FMN2: variants seen among roughly 807,000 people sequenced by gnomAD.
FMN2 encodes the protein formin-2.
In FMN2, 51 loss-of-function variants were observed where a neutral mutation model predicts 142.3. The ratio of observed to expected loss-of-function variants is 0.36; its 90% CI spans 0.29 to 0.45. The LOEUF (loss-of-function observed/expected upper bound fraction) is 0.45, where lower values mean the gene tolerates loss of function less well. Among genes scored for constraint, FMN2 ranks in the 20% least tolerant of loss-of-function variants. The probability of loss-of-function intolerance (pLI) is 1.00; values close to 1 mark genes in which losing one functional copy is unlikely to be tolerated. For missense variants in FMN2, 1,936 were observed against 2,122.8 expected (o/e 0.91, Z 1.73); for synonymous variants, 882 against 869.8 (o/e 1.01, Z -0.25).
chr1:240,435,784 G>A (rs369045456), intron 15 of FMN2, among the ~76,000 whole-genome samples: 13 of 152,182 alleles, frequency 8.5e-5, no homozygotes, highest in South Asian at 6.2e-4. Context: ...ATACTACCTC[G>A]TGATAAAACT....
intron 2 of FMN2, chr1:240,143,596 T>A: frequency 6.2e-7 from 1 of 1,607,136 alleles, no homozygotes; most frequent in Non-Finnish European, 8.5e-7. Context: ...TGCACACACA[T>A]CTACCAGTGT....
chr1:240,266,430 A>T (rs1668805944), intron 7 of FMN2, among the ~76,000 whole-genome samples: 1 of 151,216 alleles, frequency 6.6e-6, no homozygotes, highest in Non-Finnish European at 1.5e-5. Flanking sequence ...TTATTTTTGG[A>T]TTCTCTATTC....
intron 13 of FMN2, among the ~76,000 whole-genome samples, chr1:240,350,060 G>A (rs1646953754): frequency 6.6e-6 from 1 of 152,052 alleles, no homozygotes; most frequent in Non-Finnish European, 1.5e-5. Flanking sequence ...GAGAAGAATG[G>A]TGTCCAGTCT....
chr1:240,200,579 T>C (rs1387738812), intron 4 of FMN2, among the ~76,000 whole-genome samples: 2 of 152,172 alleles, frequency 1.3e-5, no homozygotes, highest in African/African-American at 2.4e-5. Flanking sequence ...ATTGGTGGCC[T>C]TATTTTACAG....
intron 8 of FMN2, among the ~76,000 whole-genome samples, chr1:240,309,143 A>G (rs1209918661): frequency 1.3e-5 from 2 of 152,228 alleles, no homozygotes; most frequent in Non-Finnish European, 2.9e-5. Flanking sequence ...GAAGAGTACA[A>G]GAATATAGTG....
intron 7 of FMN2, among the ~76,000 whole-genome samples, chr1:240,292,694 A>G (rs1669837105): frequency 6.6e-6 from 1 of 152,196 alleles, no homozygotes; most frequent in Non-Finnish European, 1.5e-5. Context: ...ATTTTGATCT[A>G]AGTCCTGATT....
At chr1:240,170,739 GC>G (rs1664667099) in intron 2 of FMN2, 1 of 1,475,232 alleles carries the variant, frequency 6.8e-7, no homozygotes, top group Admixed American at 1.7e-5. Context: ...TCAAGGTGGG[GC>G]CTGGCTCTGT....
intron 2 of FMN2, among the ~76,000 whole-genome samples, chr1:240,155,806 G>A (rs1421210244): frequency 6.7e-6 from 1 of 150,262 alleles, no homozygotes; most frequent in Non-Finnish European, 1.5e-5. Flanking sequence ...GATGAGCAAT[G>A]CACAATTTGT....
At chr1:240,358,313 G>GA (rs1225307513) in intron 14 of FMN2, among the ~76,000 whole-genome samples, 3 of 151,874 alleles carry the variant, frequency 2.0e-5, no homozygotes, top group African/African-American at 4.8e-5. Flanking sequence ...AAATTTTTTG[G>GA]AAAAAAACCT....
At chr1:240,159,339 A>G (rs1387916493) in intron 2 of FMN2, among the ~76,000 whole-genome samples, 1 of 152,026 alleles carries the variant, frequency 6.6e-6, no homozygotes, top group East Asian at 1.9e-4. Flanking sequence ...GTAATTTGAG[A>G]GATATTCTCC....
intron 16 of FMN2, among the ~76,000 whole-genome samples, chr1:240,442,725 ACT>A (rs376512190): frequency 6.6e-5 from 10 of 152,158 alleles, no homozygotes; most frequent in African/African-American, 2.4e-4. Context: ...GATAATAATA[ACT>A]CTATTTTCTT....
intron 6 of FMN2, among the ~76,000 whole-genome samples, chr1:240,249,496 T>C (rs1334195560): frequency 2.6e-5 from 4 of 152,186 alleles, no homozygotes; most frequent in Non-Finnish European, 5.9e-5. Context: ...TTTTGATTAC[T>C]ATAACCTTGT....
chr1:240,233,418 G>A (rs1233031831), intron 6 of FMN2, among the ~76,000 whole-genome samples: 1 of 151,794 alleles, frequency 6.6e-6, no homozygotes, highest in Admixed American at 6.6e-5. Context: ...ACTGTGTATG[G>A]GTCTATCTTC....
rs977932474 is a variant in FMN2, at chr1:240,253,782, G to T, written c.4066-4163G>T. On this transcript the variant is annotated intron_variant, in intron 6 of 17. Transcript: ENST00000319653. ...ACTTTTTCCTGAAGATGTATCTGTG[G>T]TGTTGGTTTGATGTAGCATTTTGCC... Among the ~76,000 whole-genome samples, 15 of 152,150 alleles carry T rather than the reference G, an allele frequency of 9.9e-5. 1 individual carries two copies. The highest frequency in any genetic ancestry group is 7.9e-4 in the Admixed American group (12 of 15,282).
intron 3 of FMN2, chr1:240,180,219 G>C (rs1665092805): frequency 8.0e-7 from 1 of 1,252,184 alleles, no homozygotes; most frequent in Admixed American, 2.4e-5. Flanking sequence ...TTTTTCTCTT[G>C]TTGATCTATA....
chr1:240,169,214 G>T (rs1199384082), intron 2 of FMN2, among the ~76,000 whole-genome samples: 1 of 152,116 alleles, frequency 6.6e-6, no homozygotes, highest in African/African-American at 2.4e-5. Context: ...TTTAGACAGA[G>T]CTGTGAAATT....
chr1:240,157,051 CTT>C (rs947155779), intron 2 of FMN2, among the ~76,000 whole-genome samples: 7 of 152,074 alleles, frequency 4.6e-5, no homozygotes, highest in African/African-American at 1.7e-4. Context: ...AAGAAAAAAA[CTT>C]TATTTCTTAG....
chr1:240,422,201 C>A (rs1348537295), intron 15 of FMN2, among the ~76,000 whole-genome samples: 1 of 152,210 alleles, frequency 6.6e-6, no homozygotes, highest in African/African-American at 2.4e-5. Context: ...CCTCCAACAT[C>A]ATTTTGCAGT....
At chr1:240,137,257 C>T (rs771414216) in intron 2 of FMN2, among the ~76,000 whole-genome samples, 8 of 151,830 alleles carry the variant, frequency 5.3e-5, no homozygotes, top group East Asian at 1.9e-4. Context: ...CCTGTTATTA[C>T]CTTTATTGTC....
Sources: allele counts gnomAD v4.1 joint callset (sites outside exome capture counted in the v4.1 genomes callset), GRCh38; gene constraint gnomAD v4.1.1; transcripts MANE v1.5; gene names NCBI Gene and HGNC (gene_info 2026-07-23, HGNC 2026-07-21).